CHODL: variants seen among roughly 807,000 people sequenced by gnomAD.
CHODL encodes chondrolectin.
CHODL carries 29 observed loss-of-function variants against 34.5 expected under a neutral mutation model. The ratio of observed to expected loss-of-function variants is 0.84; its 90% CI spans 0.63 to 1.15. CHODL has a LOEUF of 1.15. CHODL is among the 50% of genes most tolerant of loss of function. The pLI is 0.00. For synonymous variants in CHODL, 125 were observed against 116.1 expected, an observed-to-expected ratio of 1.08 and a Z score of -0.49; for missense variants, 332 against 332.5, an observed-to-expected ratio of 1.00 and a Z score of 0.01.
chr21:17,958,059 A>G (rs940676895), intron 1 of CHODL, among the ~76,000 whole-genome samples: 16 of 152,106 alleles, frequency 1.1e-4, no homozygotes, highest in Non-Finnish European at 2.4e-4. Context: ...CAAGGCCAAG[A>G]GTTTTTTTCT....
At chr21:18,025,526 ACTT>A (rs780142627) in intron 1 of CHODL, among the ~76,000 whole-genome samples, 9 of 152,122 alleles carry the variant, frequency 5.9e-5, no homozygotes, top group Non-Finnish European at 1.0e-4. Context: ...ATGTCCCTCT[ACTT>A]CTTCGTTCGG....
intron 1 of CHODL, among the ~76,000 whole-genome samples, chr21:18,248,771 AAT>A (rs2074187821): frequency 8.1e-6 from 1 of 122,962 alleles, no homozygotes; most frequent in Non-Finnish European, 1.6e-5. Flanking sequence ...TGTTATATAT[AAT>A]ATATGTGTGT....
At chr21:18,175,783 G>A (rs907689302) in intron 2 of CHODL, among the ~76,000 whole-genome samples, 13 of 152,138 alleles carry the variant, frequency 8.5e-5, no homozygotes, top group African/African-American at 3.1e-4. Flanking sequence ...TCCTCTTTGA[G>A]GAGATGACAT....
chr21:18,028,888 A>G (rs550879555), intron 2 of CHODL, among the ~76,000 whole-genome samples: 1 of 152,100 alleles, frequency 6.6e-6, no homozygotes, highest in South Asian at 2.1e-4. Context: ...GTTAAGGTAA[A>G]TAATAGCTGG....
At chr21:18,146,814 A>G (rs2072896223) in intron 2 of CHODL, among the ~76,000 whole-genome samples, 1 of 152,172 alleles carries the variant, frequency 6.6e-6, no homozygotes, top group South Asian at 2.1e-4. Context: ...ATATTTTGGC[A>G]TCCACTCTTT....
intron 2 of CHODL, among the ~76,000 whole-genome samples, chr21:18,029,543 CTT>C (rs3991155): frequency 0.61 from 92,533 of 151,748 alleles, 28,906 homozygotes; most frequent in Middle Eastern, 0.71. Flanking sequence ...ATTTAGGAAA[CTT>C]TGTATATATT....
chr21:18,071,883 T>G (rs1488536392), intron 2 of CHODL, among the ~76,000 whole-genome samples: 1 of 152,194 alleles, frequency 6.6e-6, no homozygotes, highest in Admixed American at 6.5e-5. Flanking sequence ...GGCTTACTTT[T>G]GTCTTAATCT....
chr21:18,074,154 C>T (rs977926466), intron 2 of CHODL, among the ~76,000 whole-genome samples: 1 of 152,068 alleles, frequency 6.6e-6, no homozygotes, highest in African/African-American at 2.4e-5. Flanking sequence ...AGAAAATAGC[C>T]ACTGTTTTTC....
intron 2 of CHODL, among the ~76,000 whole-genome samples, chr21:18,193,101 A>G (rs2073530611): frequency 6.6e-6 from 1 of 152,208 alleles, no homozygotes; most frequent in Non-Finnish European, 1.5e-5. Context: ...GGAAAATATG[A>G]AGTTTTCTTT....
intron 1 of CHODL, among the ~76,000 whole-genome samples, chr21:17,945,045 C>A (rs903120506): frequency 1.5e-5 from 2 of 134,098 alleles, no homozygotes; most frequent in East Asian, 5.2e-4. Context: ...CCCGTCTCTA[C>A]TAAAAATACA....
chr21:17,953,987 C>T (rs533447695), intron 1 of CHODL, among the ~76,000 whole-genome samples: 3 of 151,490 alleles, frequency 2.0e-5, no homozygotes, highest in South Asian at 4.2e-4. Context: ...CCAGCCTGGG[C>T]GACAGAGCGA....
At chr21:18,247,749 A>T (rs1433450937) in intron 1 of CHODL, among the ~76,000 whole-genome samples, 1 of 152,074 alleles carries the variant, frequency 6.6e-6, no homozygotes, top group African/African-American at 2.4e-5. Context: ...TTTGGAAACT[A>T]CCTTTAGGAG....
chr21:18,248,745 AAT>A (rs1178314387), intron 1 of CHODL, among the ~76,000 whole-genome samples: 4 of 120,174 alleles, frequency 3.3e-5, no homozygotes, highest in South Asian at 2.3e-4. Context: ...ATATATGTAT[AAT>A]ATATATGTAT....
At chr21:18,157,113 GC>G (rs1405147666) in intron 2 of CHODL, among the ~76,000 whole-genome samples, 9 of 152,162 alleles carry the variant, frequency 5.9e-5, no homozygotes, top group African/African-American at 1.7e-4. Flanking sequence ...TTGATTACAG[GC>G]GAGTCACACA....
At chr21:18,088,823 T>A (rs1200052966) in intron 2 of CHODL, among the ~76,000 whole-genome samples, 4 of 152,348 alleles carry the variant, frequency 2.6e-5, no homozygotes, top group Non-Finnish European at 4.4e-5. Flanking sequence ...TTTTTGCTAT[T>A]GTACAGGAGC....
At chr21:18,209,334 G>T (rs543080583) in intron 2 of CHODL, among the ~76,000 whole-genome samples, 2 of 152,258 alleles carry the variant, frequency 1.3e-5, no homozygotes, top group East Asian at 3.9e-4. Context: ...GTACTTCCTG[G>T]CTACAGCTGA....
intron 2 of CHODL, among the ~76,000 whole-genome samples, chr21:18,103,511 A>G (rs988212360): frequency 5.9e-5 from 9 of 152,196 alleles, no homozygotes; most frequent in African/African-American, 2.2e-4. Context: ...GTTACATTTC[A>G]TGATTTTTTG....
At chr21:18,111,191 A>G (rs1258838702) in intron 2 of CHODL, among the ~76,000 whole-genome samples, 1 of 152,176 alleles carries the variant, frequency 6.6e-6, no homozygotes, top group Non-Finnish European at 1.5e-5. Flanking sequence ...AGTGACTAAT[A>G]ATATATTCCC....
At chr21:17,973,770 C>G (rs1411552299) in intron 1 of CHODL, among the ~76,000 whole-genome samples, 1 of 149,172 alleles carries the variant, frequency 6.7e-6, no homozygotes, top group African/African-American at 2.5e-5. Context: ...AGACTTCTTA[C>G]TAAGTTGCCT....
Sources: gnomAD v4.1 joint callset for allele counts (sites outside exome capture counted in the v4.1 genomes callset) on GRCh38, gnomAD v4.1.1 for gene constraint, MANE v1.5 for transcripts, NCBI Gene and HGNC (gene_info 2026-07-23, HGNC 2026-07-21) for gene names.